NOL4: variants seen among roughly 807,000 people sequenced by gnomAD.
NOL4 encodes the protein nucleolar protein 4.
Under a neutral mutation model 75.9 loss-of-function variants are expected in NOL4, and 17 were observed. That is an observed-to-expected ratio of 0.22 (90% CI 0.15 to 0.34). The LOEUF (loss-of-function observed/expected upper bound fraction) is 0.34, where lower values mean the gene tolerates loss of function less well. Among genes scored for constraint, NOL4 ranks in the 10% least tolerant of loss-of-function variants. The pLI is 1.00. For missense variants in NOL4, 614 were observed against 793.5 expected, an observed-to-expected ratio of 0.77 and a Z score of 2.72; for synonymous variants, 292 against 289.9, an observed-to-expected ratio of 1.01 and a Z score of -0.07.
intron 1 of NOL4, among the ~76,000 whole-genome samples, chr18:34,208,916 A>C (rs533466882): frequency 2.2e-4 from 34 of 152,158 alleles, no homozygotes; most frequent in African/African-American, 7.2e-4. Context: ...AGGGGATTTA[A>C]AGCAAGAAAT....
At chr18:34,051,929 C>T (rs1240921940) in intron 5 of NOL4, among the ~76,000 whole-genome samples, 1 of 151,532 alleles carries the variant, frequency 6.6e-6, no homozygotes, top group Non-Finnish European at 1.5e-5. Context: ...ACATTTAATG[C>T]AAATTGATAA....
chr18:34,038,939 G>C (rs1264067224), intron 5 of NOL4, among the ~76,000 whole-genome samples: 1 of 152,006 alleles, frequency 6.6e-6, no homozygotes, highest in East Asian at 1.9e-4. Flanking sequence ...AATACTCAAG[G>C]TGATGGGTGC....
At chr18:33,928,973 T>C (rs1353982000) in intron 9 of NOL4, among the ~76,000 whole-genome samples, 1 of 151,530 alleles carries the variant, frequency 6.6e-6, no homozygotes, top group Non-Finnish European at 1.5e-5. Flanking sequence ...TATGCTCAGA[T>C]TTAAATATCA....
chr18:33,970,568 AT>A (rs1250160613), intron 6 of NOL4, among the ~76,000 whole-genome samples: 2 of 152,226 alleles, frequency 1.3e-5, no homozygotes, highest in Non-Finnish European at 2.9e-5. Context: ...AATTCAAATA[AT>A]AAGGCCTATA....
intron 5 of NOL4, among the ~76,000 whole-genome samples, chr18:34,059,116 G>GAT (rs1600432980): frequency 4.9e-5 from 4 of 80,944 alleles, no homozygotes; most frequent in South Asian, 1.0e-3. Flanking sequence ...GAGATAGATA[G>GAT]ATATACATAT....
intron 1 of NOL4, among the ~76,000 whole-genome samples, chr18:34,155,421 T>C (rs1291710701): frequency 6.6e-6 from 1 of 151,900 alleles, no homozygotes; most frequent in East Asian, 1.9e-4. Flanking sequence ...AAACTGAAGT[T>C]TGGAATTACA....
At chr18:33,955,109 T>C (rs1309719487) in intron 8 of NOL4, among the ~76,000 whole-genome samples, 1 of 152,112 alleles carries the variant, frequency 6.6e-6, no homozygotes, top group African/African-American at 2.4e-5. Context: ...AAACACATAG[T>C]TATACTCATG....
intron 1 of NOL4, among the ~76,000 whole-genome samples, chr18:34,197,274 A>G (rs1412596081): frequency 6.6e-6 from 1 of 151,954 alleles, no homozygotes; most frequent in Non-Finnish European, 1.5e-5. Context: ...CCAATAATAG[A>G]TTTTTTAAAA....
At chr18:34,046,296 GA>G (rs2076361777) in intron 5 of NOL4, among the ~76,000 whole-genome samples, 1 of 151,970 alleles carries the variant, frequency 6.6e-6, no homozygotes, top group Non-Finnish European at 1.5e-5. Context: ...CCTTTCGAGA[GA>G]GAATCTGACG....
intron 1 of NOL4, among the ~76,000 whole-genome samples, chr18:34,134,447 GACACACACACAC>G (rs199707766): frequency 0.028 from 3,698 of 134,182 alleles, 51 homozygotes; most frequent in African/African-American, 0.032. Context: ...GACTCCAAGT[GACACACACACAC>G]ACACACACAC....
intron 10 of NOL4, among the ~76,000 whole-genome samples, chr18:33,882,752 C>T (rs1454207442): frequency 6.6e-6 from 1 of 152,062 alleles, no homozygotes; most frequent in African/African-American, 2.4e-5. Context: ...AAGACACATG[C>T]ACACGTATGT....
intron 5 of NOL4, among the ~76,000 whole-genome samples, chr18:34,066,565 T>C (rs1192708378): frequency 1.3e-5 from 2 of 152,002 alleles, no homozygotes; most frequent in Non-Finnish European, 2.9e-5. Flanking sequence ...CAAAGCAGCA[T>C]GTAGTGGCTA....
chr18:33,885,642 A>C (rs2064592526), intron 9 of NOL4, among the ~76,000 whole-genome samples: 1 of 152,158 alleles, frequency 6.6e-6, no homozygotes, highest in African/African-American at 2.4e-5. Flanking sequence ...CCCAGTTAAA[A>C]TGACTTATAT....
intron 5 of NOL4, among the ~76,000 whole-genome samples, chr18:34,048,886 C>T (rs1169301916): frequency 1.3e-5 from 2 of 152,050 alleles, no homozygotes; most frequent in African/African-American, 2.4e-5. Context: ...AATAATTTTC[C>T]AGTTTAAATA....
At chr18:34,164,648 G>A (rs1046698882) in intron 1 of NOL4, among the ~76,000 whole-genome samples, 1 of 152,060 alleles carries the variant, frequency 6.6e-6, no homozygotes, top group Non-Finnish European at 1.5e-5. Flanking sequence ...TGGTGGGACT[G>A]TAAACTAGTT....
chr18:33,922,782 T>C (rs2145295392), intron 9 of NOL4, among the ~76,000 whole-genome samples: 1 of 152,312 alleles, frequency 6.6e-6, no homozygotes, highest in African/African-American at 2.4e-5. Flanking sequence ...TTTTAATGTT[T>C]ACACATTCCT....
chr18:34,067,198 C>A (rs954942369), intron 5 of NOL4, among the ~76,000 whole-genome samples: 4 of 152,010 alleles, frequency 2.6e-5, no homozygotes, highest in Non-Finnish European at 4.4e-5. Context: ...TATATTTGAG[C>A]AAACTCTTGA....
At chr18:34,221,491 T>C (rs760336222) in intron 1 of NOL4, 4 of 152,138 alleles carry the variant, frequency 2.6e-5, no homozygotes, top group African/African-American at 9.7e-5. Context: ...GTCCTCATTA[T>C]TTAGGAAAGC....
intron 5 of NOL4, among the ~76,000 whole-genome samples, chr18:34,060,095 T>G (rs1234132721): frequency 6.6e-6 from 1 of 152,200 alleles, no homozygotes; most frequent in Non-Finnish European, 1.5e-5. Flanking sequence ...AAAGTGGTTA[T>G]TGTTTTAAAG....
Sources: allele counts gnomAD v4.1 joint callset (sites outside exome capture counted in the v4.1 genomes callset), GRCh38; gene constraint gnomAD v4.1.1; transcripts MANE v1.5; gene names NCBI Gene and HGNC (gene_info 2026-07-23, HGNC 2026-07-21).